GRM5: variants seen among roughly 807,000 people sequenced by gnomAD.
GRM5 encodes glutamate metabotropic receptor 5.
In GRM5, 19 loss-of-function variants were observed where a neutral mutation model predicts 83.1. The ratio of observed to expected loss-of-function variants is 0.23; its 90% confidence interval spans 0.16 to 0.34. The LOEUF is 0.34. GRM5 is among the 10% of genes least tolerant of loss of function. The pLI, the probability that GRM5 is intolerant of heterozygous loss-of-function variation, is 1.00. For synonymous variants in GRM5, 675 were observed against 633.6 expected (o/e 1.07, Z -0.98); for missense variants, 1,160 against 1,588.3 (o/e 0.73, Z 4.58).
chr11:88,733,408 G>A (rs760171667), intron 3 of GRM5, among the ~76,000 whole-genome samples: 9 of 151,994 alleles, frequency 5.9e-5, no homozygotes, highest in Non-Finnish European at 1.2e-4. Context: ...CATGAAATAT[G>A]AGACTCAGTG....
At chr11:88,905,525 A>G (rs921150603) in intron 2 of GRM5, among the ~76,000 whole-genome samples, 1 of 152,096 alleles carries the variant, frequency 6.6e-6, no homozygotes, top group Admixed American at 6.6e-5. Flanking sequence ...TATTTTTAGT[A>G]GAGACGGGGT....
At chr11:88,661,341 A>G (rs1354758770) in intron 3 of GRM5, among the ~76,000 whole-genome samples, 1 of 152,166 alleles carries the variant, frequency 6.6e-6, no homozygotes, top group African/African-American at 2.4e-5. Context: ...ACACTGTCAA[A>G]TGTGCCTTAT....
chr11:88,808,377 G>A (rs1169667301), intron 3 of GRM5, among the ~76,000 whole-genome samples: 1 of 151,908 alleles, frequency 6.6e-6, no homozygotes, highest in Non-Finnish European at 1.5e-5. Flanking sequence ...AAACTGTATA[G>A]TTAAAATAAT....
At chr11:88,599,967 C>T (rs998439808) in intron 5 of GRM5, among the ~76,000 whole-genome samples, 22 of 152,202 alleles carry the variant, frequency 1.4e-4, no homozygotes, top group East Asian at 3.9e-4. Context: ...GAGCCTAGAT[C>T]GCGCCACTGC....
chr11:88,649,186 ATG>A (rs1229843626), intron 4 of GRM5, among the ~76,000 whole-genome samples: 1 of 139,006 alleles, frequency 7.2e-6, no homozygotes, highest in Non-Finnish European at 1.5e-5. Context: ...TATATTATAT[ATG>A]TTATATATAA....
chr11:88,731,568 AT>A (rs1432378296), intron 3 of GRM5, among the ~76,000 whole-genome samples: 2 of 151,978 alleles, frequency 1.3e-5, no homozygotes, highest in African/African-American at 4.8e-5. Flanking sequence ...TCACTGGAAT[AT>A]TTTGGTTTAT....
rs969387449 is a variant in GRM5, at chr11:88,707,028, G to A, written c.912-53625C>T. Among the ~76,000 whole-genome samples the A allele has an allele frequency of 3.9e-5, 6 of 151,992 alleles. 1 individual carries two copies. Among genetic ancestry groups the A allele is most frequent in the Admixed American group, 3.3e-4 (5 of 15,236 alleles). On this transcript the variant is annotated intron_variant, in intron 3 of 9. Coordinates refer to ENST00000305447, the MANE Select transcript of GRM5 (RefSeq NM_001143831.3). The stretch of plus-strand genomic sequence containing the variant: ...TTATTTCTGCTGGAAGTGCTCCAAG[G>A]AATGATTCTGCATCGCTCTGCACAA...
intron 3 of GRM5, among the ~76,000 whole-genome samples, chr11:88,699,132 A>C (rs1940969548): frequency 6.6e-6 from 1 of 152,202 alleles, no homozygotes; most frequent in Non-Finnish European, 1.5e-5. Flanking sequence ...TTATTCTCTA[A>C]GGGTCATTCT....
chr11:88,598,443 T>G (rs1937882399), intron 5 of GRM5, among the ~76,000 whole-genome samples: 1 of 152,186 alleles, frequency 6.6e-6, no homozygotes, highest in Non-Finnish European at 1.5e-5. Flanking sequence ...CTGTAGTTTT[T>G]TTTTTTCTTC....
At chr11:88,589,813 A>C (rs1937608495) in intron 7 of GRM5, among the ~76,000 whole-genome samples, 1 of 152,090 alleles carries the variant, frequency 6.6e-6, no homozygotes, top group Admixed American at 6.6e-5. Context: ...TGCCTCCTTT[A>C]TTAATCTGTG....
At position 88,760,343 on chromosome 11, in the gene GRM5, C is replaced by T. The variant is rs1942486064; in HGVS notation, c.911+89563G>A. 2.2e-5 allele frequency among the ~76,000 whole-genome samples: 3 copies of T among 134,192 alleles called. No individual in the cohort carries two copies. In the Admixed American group the frequency reaches 2.3e-4, roughly 10 times the overall value. The allele number at this position is 134,192 out of a possible 152,430, so 88.0% of individuals were successfully genotyped here. ...CTAGCTAGACTAATAAAGAGAAGAT[C>T]TAAATAAATAAAATTAGAAATGACA... On this transcript the variant is annotated intron_variant, in intron 3 of 9. Transcript: ENST00000305447.
intron 2 of GRM5, among the ~76,000 whole-genome samples, chr11:88,878,499 T>C (rs1944896321): frequency 6.6e-6 from 1 of 152,106 alleles, no homozygotes; most frequent in South Asian, 2.1e-4. Context: ...GCTGGCCAAG[T>C]GCCAAGGGAT....
At chr11:88,785,113 T>C (rs1943043075) in intron 3 of GRM5, among the ~76,000 whole-genome samples, 2 of 152,090 alleles carry the variant, frequency 1.3e-5, no homozygotes, top group South Asian at 4.1e-4. Context: ...AAATGTATTC[T>C]GCAGAGGCTT....
intron 2 of GRM5, among the ~76,000 whole-genome samples, chr11:88,938,178 TTTTA>T (rs1286448333): frequency 2.0e-5 from 3 of 151,706 alleles, no homozygotes; most frequent in African/African-American, 4.8e-5. Context: ...ATACATAAAA[TTTTA>T]TTTGTCAGTT....
chr11:88,789,348 A>C (rs1943128931), intron 3 of GRM5, among the ~76,000 whole-genome samples: 2 of 152,082 alleles, frequency 1.3e-5, no homozygotes, highest in South Asian at 4.1e-4. Flanking sequence ...AAATAACATA[A>C]AAGCAAAGAA....
chr11:89,034,726 TA>T (rs1447462841), intron 2 of GRM5, among the ~76,000 whole-genome samples: 2 of 151,782 alleles, frequency 1.3e-5, no homozygotes, highest in African/African-American at 4.8e-5. Flanking sequence ...GAAATGCAAA[TA>T]TCTGTATTTC....
At chr11:88,733,968 G>A (rs939106938) in intron 3 of GRM5, among the ~76,000 whole-genome samples, 1 of 151,824 alleles carries the variant, frequency 6.6e-6, no homozygotes, top group Non-Finnish European at 1.5e-5. Context: ...TGCTTGCTTG[G>A]CATTTCTAAG....
At chr11:88,860,482 A>G (rs1386582824) in intron 2 of GRM5, among the ~76,000 whole-genome samples, 2 of 152,316 alleles carry the variant, frequency 1.3e-5, no homozygotes, top group African/African-American at 2.4e-5. Context: ...CTAGCCACCA[A>G]TGATCCTTGA....
At chr11:88,910,717 C>A (rs1185845869) in intron 2 of GRM5, among the ~76,000 whole-genome samples, 2 of 152,028 alleles carry the variant, frequency 1.3e-5, no homozygotes, top group Admixed American at 6.6e-5. Flanking sequence ...CACTTTTAAG[C>A]AAGAACATGA....
Sources: allele counts gnomAD v4.1 joint callset (sites outside exome capture counted in the v4.1 genomes callset), GRCh38; gene constraint gnomAD v4.1.1; transcripts MANE v1.5; gene names NCBI Gene and HGNC (gene_info 2026-07-23, HGNC 2026-07-21).